The following CRIM1 variants were observed in gnomAD, a reference collection of about 807,000 sequenced individuals.
The protein encoded by CRIM1 is cysteine rich transmembrane BMP regulator 1.
In CRIM1, 32 loss-of-function variants were observed where a neutral mutation model predicts 116.4. The ratio of observed to expected loss-of-function variants is 0.27; its 90% CI spans 0.21 to 0.37. The LOEUF (loss-of-function observed/expected upper bound fraction) is 0.37, where lower values mean the gene tolerates loss of function less well. Ranked by LOEUF, CRIM1 falls within the 10% of genes least tolerant of loss-of-function variation. The pLI is 1.00. For missense variants in CRIM1, 1,331 were observed against 1,354.8 expected (o/e 0.98, Z 0.28); for synonymous variants, 590 against 509.2 (o/e 1.16, Z -2.13).
At chr2:36,464,791 G>A in intron 5 of CRIM1, 136 bp downstream of exon 5, 1 of 1,010,430 alleles carries the variant, frequency 9.9e-7, no homozygotes. Context: ...ACTCAAAAAG[G>A]TTTGCTTAAG....
intron 13 of CRIM1, among the ~76,000 whole-genome samples, chr2:36,533,595 T>C (rs2125156214): frequency 6.6e-6 from 1 of 152,222 alleles, no homozygotes; most frequent in East Asian, 1.9e-4. Flanking sequence ...CCCTGTCTCT[T>C]GAGAAAAAGA....
At chr2:36,497,218 G>A (rs1680663189) in intron 7 of CRIM1, among the ~76,000 whole-genome samples, 1 of 152,190 alleles carries the variant, frequency 6.6e-6, no homozygotes, top group South Asian at 2.1e-4. Context: ...AGCTGTCCAG[G>A]AAAGCAGTGT....
chr2:36,369,900 A>G (rs573372066), intron 1 of CRIM1, among the ~76,000 whole-genome samples: 6 of 152,222 alleles, frequency 3.9e-5, no homozygotes, highest in South Asian at 2.1e-4. Context: ...GTGCATGTGT[A>G]TTTTTTCAGT....
intron 1 of CRIM1, chr2:36,379,295 AAGACT>A (rs1215961754): frequency 5.2e-4 from 79 of 152,344 alleles, no homozygotes; most frequent in African/African-American, 1.8e-3. Context: ...GTTTTATTAA[AAGACT>A]AGAAGAATGT....
chr2:36,359,689 C>A (rs1026522328), intron 1 of CRIM1, among the ~76,000 whole-genome samples: 8 of 152,032 alleles, frequency 5.3e-5, no homozygotes, highest in Admixed American at 3.3e-4. Context: ...ATTTCTTTTC[C>A]GCATTGTTTA....
rs1052042988 is a variant in CRIM1, at chr2:36,550,141, C to G, written c.*1440C>G. 3 of 152,428 alleles carry G rather than the reference C, an allele frequency of 2.0e-5. No homozygotes were observed. Among genetic ancestry groups the G allele is most frequent in the South Asian group, 2.1e-4 (1 of 4,812 alleles). 9.4% of individuals were successfully genotyped at this position (152,428 alleles called of 1,614,324 possible). ...AGGGTATTCCTTTATTAAAATCTTC[C>G]TCATTTGGATTTGCTTTCAGTTGGT... On this transcript the variant is annotated 3_prime_UTR_variant, in exon 17 of 17. Coordinates refer to ENST00000280527, the MANE Select transcript of CRIM1 (RefSeq NM_016441.3).
At chr2:36,499,741 T>C (rs1177376303) in intron 8 of CRIM1, among the ~76,000 whole-genome samples, 2 of 152,200 alleles carry the variant, frequency 1.3e-5, no homozygotes, top group African/African-American at 4.8e-5. Context: ...TTCACTTTGT[T>C]GACCCCAGCT....
chr2:36,379,233 A>G (rs918405424), intron 1 of CRIM1: 1 of 152,228 alleles, frequency 6.6e-6, no homozygotes, highest in Admixed American at 6.5e-5. Flanking sequence ...GCAAATGAGT[A>G]CACTGTGGTT....
At position 36,441,827 on chromosome 2, in the gene CRIM1, A is replaced by G. The variant is rs148427831; in HGVS notation, c.748+327A>G. Among the ~76,000 whole-genome samples the G allele has an allele frequency of 3.3e-4, 51 of 152,348 alleles. 2 individuals carry two copies. The East Asian group carries it at 9.1e-3, about 27-fold the overall frequency. On this transcript the variant is annotated intron_variant, in intron 3 of 16. Coordinates refer to ENST00000280527, the MANE Select transcript of CRIM1 (RefSeq NM_016441.3). ...GCAATCTGCTTCATTTCCCCAGAGAAGGTCAGAGACCTTATTTGCAGCTAT... is the reference window on the plus strand; with the variant it reads ...GCAATCTGCTTCATTTCCCCAGAGAGGGTCAGAGACCTTATTTGCAGCTAT...
At chr2:36,365,885 C>T (rs1379229267) in intron 1 of CRIM1, among the ~76,000 whole-genome samples, 1 of 152,108 alleles carries the variant, frequency 6.6e-6, no homozygotes, top group African/African-American at 2.4e-5. Flanking sequence ...AGGCATGTGC[C>T]ACCACGCCCA....
At chr2:36,414,963 T>C (rs1167132439) in intron 2 of CRIM1, among the ~76,000 whole-genome samples, 2 of 152,190 alleles carry the variant, frequency 1.3e-5, no homozygotes, top group African/African-American at 4.8e-5. Context: ...GTGGCTGCCA[T>C]GTGGAAAATG....
At chr2:36,494,575 C>T (rs917664226) in intron 7 of CRIM1, among the ~76,000 whole-genome samples, 1 of 152,140 alleles carries the variant, frequency 6.6e-6, no homozygotes, top group South Asian at 2.1e-4. Context: ...AATAGCTCTT[C>T]TGGACAGTGT....
chr2:36,529,300 C>G, intron 13 of CRIM1: 1 of 420,336 alleles, frequency 2.4e-6, no homozygotes, highest in Non-Finnish European at 4.9e-6. Flanking sequence ...AAAACATCTT[C>G]TATAGGTGCA....
chr2:36,466,151 A>G (rs879853705), intron 5 of CRIM1, among the ~76,000 whole-genome samples: 35 of 152,028 alleles, frequency 2.3e-4, no homozygotes, highest in Non-Finnish European at 4.7e-4. Flanking sequence ...CTCCCAAGGT[A>G]CTGGGATTAC....
intron 7 of CRIM1, among the ~76,000 whole-genome samples, chr2:36,485,479 G>C (rs142628799): frequency 2.5e-4 from 38 of 152,308 alleles, no homozygotes; most frequent in African/African-American, 8.7e-4. Flanking sequence ...TCTCCCTGAA[G>C]GCTGATGATA....
intron 1 of CRIM1, among the ~76,000 whole-genome samples, chr2:36,389,540 A>G (rs1352839406): frequency 6.6e-6 from 1 of 152,090 alleles, no homozygotes; most frequent in Non-Finnish European, 1.5e-5. Context: ...TGTACTGTGA[A>G]TTTGTTTCTT....
intron 1 of CRIM1, among the ~76,000 whole-genome samples, chr2:36,370,965 T>C (rs895665134): frequency 3.3e-5 from 5 of 152,102 alleles, no homozygotes; most frequent in Non-Finnish European, 5.9e-5. Flanking sequence ...GCTCCTGAAG[T>C]TTTAGGTTTT....
chr2:36,356,898 T>TGG lies in CRIM1; in HGVS notation c.331+276_331+277dup, dbSNP rs1429161825. On this transcript the variant is annotated intron_variant, in intron 1 of 16. Transcript: ENST00000280527. This position sits in a 1 kb window ranked among gnomAD's most constrained non-coding sequence, Gnocchi z 4.3. ...GTCCCCGCGCAGACGCGCACACGTGTGGCCGTTCCTGCTGGGACTGGGTGG... is the reference window on the plus strand; with the variant it reads ...GTCCCCGCGCAGACGCGCACACGTGTGGGGCCGTTCCTGCTGGGACTGGGTGG... 5.9e-5 allele frequency among the ~76,000 whole-genome samples: 9 copies of TGG among 151,882 alleles called. No individual in the cohort carries two copies. The highest frequency in any genetic ancestry group is 2.2e-4 in the African/African-American group (9 of 41,386).
At chr2:36,538,479 G>A (rs1024117317) in intron 14 of CRIM1, among the ~76,000 whole-genome samples, 5 of 152,116 alleles carry the variant, frequency 3.3e-5, no homozygotes, top group Admixed American at 3.3e-4. Context: ...TTATATTAGA[G>A]AACCTTGTTG....
Sources: allele counts gnomAD v4.1 joint callset (sites outside exome capture counted in the v4.1 genomes callset), GRCh38; gene constraint gnomAD v4.1.1; non-coding constraint Gnocchi (gnomAD v3.1); transcripts MANE v1.5; gene names NCBI Gene and HGNC (gene_info 2026-07-23, HGNC 2026-07-21).